GPM6A: variants seen among roughly 807,000 people sequenced by gnomAD.
GPM6A encodes the protein neuronal membrane glycoprotein M6-a.
In GPM6A, 7 loss-of-function variants were observed where a neutral mutation model predicts 32.1. That is an observed-to-expected ratio of 0.22 (90% CI 0.12 to 0.41). GPM6A has a LOEUF of 0.41. GPM6A is among the 10% of genes least tolerant of loss of function. GPM6A has a pLI of 1.00. For synonymous variants in GPM6A, 130 were observed against 123.4 expected, an observed-to-expected ratio of 1.05 and a Z score of -0.35; for missense variants, 235 against 347.2, an observed-to-expected ratio of 0.68 and a Z score of 2.57.
intron 1 of GPM6A, among the ~76,000 whole-genome samples, chr4:175,929,995 G>T (rs997685562): frequency 2.6e-5 from 4 of 152,014 alleles, no homozygotes; most frequent in Non-Finnish European, 5.9e-5. Context: ...TGTCTCCAAA[G>T]AACTTATATA....
intron 1 of GPM6A, among the ~76,000 whole-genome samples, chr4:175,974,433 G>A (rs1369936690): frequency 6.6e-6 from 1 of 152,080 alleles, no homozygotes; most frequent in Admixed American, 6.6e-5. Flanking sequence ...TCAGTTCACT[G>A]CAGCCTCCAC....
At chr4:175,957,299 C>T (rs1485710037) in intron 1 of GPM6A, among the ~76,000 whole-genome samples, 1 of 152,122 alleles carries the variant, frequency 6.6e-6, no homozygotes, top group Non-Finnish European at 1.5e-5. Flanking sequence ...AGAGCAAAGG[C>T]AGGTAAGAAA....
At chr4:175,640,063 ATC>A (rs1389187957) in intron 6 of GPM6A, 64 bp downstream of exon 6, 2 of 1,221,538 alleles carry the variant, frequency 1.6e-6, no homozygotes, top group African/African-American at 1.5e-5. Context: ...ATAGTTTATC[ATC>A]TCTACAAGCA....
chr4:175,719,960 T>A (rs1028242838), intron 1 of GPM6A, among the ~76,000 whole-genome samples: 1 of 152,202 alleles, frequency 6.6e-6, no homozygotes, highest in Non-Finnish European at 1.5e-5. Flanking sequence ...GAAACGTCGA[T>A]TTTATTTGAA....
At chr4:175,757,789 T>C (rs1286475193) in intron 1 of GPM6A, among the ~76,000 whole-genome samples, 1 of 152,116 alleles carries the variant, frequency 6.6e-6, no homozygotes, top group African/African-American at 2.4e-5. Context: ...GGAGCAGCCC[T>C]GTATCCAAGA....
intron 2 of GPM6A, among the ~76,000 whole-genome samples, chr4:175,698,340 T>A (rs929407167): frequency 6.6e-6 from 1 of 152,148 alleles, no homozygotes; most frequent in Admixed American, 6.6e-5. Context: ...ATTAGGTAAG[T>A]CTTTTCTCCA....
chr4:175,989,145 A>G (rs1741064367), intron 1 of GPM6A, among the ~76,000 whole-genome samples: 2 of 152,204 alleles, frequency 1.3e-5, no homozygotes, highest in South Asian at 4.1e-4. Flanking sequence ...CTTTACTGAA[A>G]AATGAAAAGA....
intron 1 of GPM6A, chr4:175,947,605 G>C (rs1353235672): frequency 1.3e-5 from 2 of 152,082 alleles, no homozygotes; most frequent in African/African-American, 4.8e-5. Context: ...GAGCATTTGT[G>C]TTGTAATACG....
chr4:175,799,165 T>A (rs1469707022), intron 1 of GPM6A, among the ~76,000 whole-genome samples: 1 of 152,216 alleles, frequency 6.6e-6, no homozygotes, highest in Non-Finnish European at 1.5e-5. Flanking sequence ...TGCCCCAGGA[T>A]GTCTTAGGCA....
At chr4:175,684,327 A>G (rs933137443) in intron 2 of GPM6A, among the ~76,000 whole-genome samples, 3 of 152,108 alleles carry the variant, frequency 2.0e-5, no homozygotes, top group African/African-American at 7.2e-5. Context: ...ATCAGTGTTT[A>G]TTTTTATTAC....
chr4:175,954,188 A>T (rs1739909241), intron 1 of GPM6A, among the ~76,000 whole-genome samples: 1 of 152,216 alleles, frequency 6.6e-6, no homozygotes, highest in Admixed American at 6.5e-5. Flanking sequence ...CTAAAATTAG[A>T]TGAAATGTAA....
chr4:175,676,691 C>T (rs1431092796), intron 2 of GPM6A, among the ~76,000 whole-genome samples: 2 of 152,002 alleles, frequency 1.3e-5, no homozygotes, highest in Non-Finnish European at 2.9e-5. Flanking sequence ...TGCTGCAATG[C>T]GCTACGATCA....
intron 1 of GPM6A, among the ~76,000 whole-genome samples, chr4:175,760,245 C>T (rs1329052324): frequency 5.9e-5 from 9 of 151,948 alleles, no homozygotes; most frequent in Non-Finnish European, 7.4e-5. Context: ...CTTTCTCCTC[C>T]AATCAAATTG....
intron 1 of GPM6A, among the ~76,000 whole-genome samples, chr4:175,956,899 A>G (rs1434182497): frequency 1.3e-5 from 2 of 152,234 alleles, no homozygotes; most frequent in Non-Finnish European, 2.9e-5. Flanking sequence ...AGAATAAAAT[A>G]AACTATGTAT....
intron 1 of GPM6A, among the ~76,000 whole-genome samples, chr4:175,801,640 T>C (rs946503322): frequency 3.3e-5 from 5 of 152,050 alleles, no homozygotes; most frequent in Non-Finnish European, 5.9e-5. Flanking sequence ...GATAAATAAA[T>C]ACACTATGTT....
intron 1 of GPM6A, among the ~76,000 whole-genome samples, chr4:175,900,195 C>A (rs1737913729): frequency 6.6e-6 from 1 of 150,892 alleles, no homozygotes; most frequent in Non-Finnish European, 1.5e-5. Context: ...ATCTCTTGAA[C>A]CCAAGAGGCG....
intron 1 of GPM6A, among the ~76,000 whole-genome samples, chr4:175,737,170 AC>A (rs1324603221): frequency 6.6e-6 from 1 of 152,116 alleles, no homozygotes; most frequent in African/African-American, 2.4e-5. Context: ...AACACTCAAA[AC>A]CCAAAGCACT....
chr4:175,852,418 C>A lies in GPM6A; in HGVS notation c.-22-40169G>T, dbSNP rs1736287679. Among the ~76,000 whole-genome samples, 8 of 152,190 alleles carry A rather than the reference C, an allele frequency of 5.3e-5. 1 individual carries two copies. The South Asian group carries it at 1.7e-3, about 32-fold the overall frequency. ...AAAGATTGGCTTTAAAAATTTAAGTCTTCTTTCAGAGCAAAGACCTATCTT... is the reference window on the plus strand; with the variant it reads ...AAAGATTGGCTTTAAAAATTTAAGTATTCTTTCAGAGCAAAGACCTATCTT... On this transcript the variant is annotated intron_variant, in intron 1 of 7. Transcript: ENST00000280187.
chr4:175,720,937 A>G (rs1560895515), intron 1 of GPM6A, among the ~76,000 whole-genome samples: 1 of 151,134 alleles, frequency 6.6e-6, no homozygotes, highest in Admixed American at 6.6e-5. Context: ...GACTATAGAG[A>G]AAGTAATATC....
Sources: allele counts gnomAD v4.1 joint callset (sites outside exome capture counted in the v4.1 genomes callset), GRCh38; gene constraint gnomAD v4.1.1; transcripts MANE v1.5; gene names NCBI Gene and HGNC (gene_info 2026-07-23, HGNC 2026-07-21).